NRG3: variants seen among roughly 807,000 people sequenced by gnomAD.
NRG3 encodes the protein pro-neuregulin-3, membrane-bound isoform.
A neutral mutation model predicts 66.9 loss-of-function variants in NRG3; 31 were observed. The observed-to-expected ratio is 0.46, with a 90% CI of 0.35 to 0.63. The LOEUF is 0.63. NRG3 is among the 20% of genes least tolerant of loss of function. The probability of loss-of-function intolerance (pLI) is 0.00; values close to 1 mark genes in which losing one functional copy is unlikely to be tolerated. For synonymous variants in NRG3, 393 were observed against 359.4 expected (o/e 1.09, Z -1.06); for missense variants, 910 against 878.9 (o/e 1.04, Z -0.45).
At chr10:82,681,158 G>T (rs367777906) in intron 2 of NRG3, among the ~76,000 whole-genome samples, 36 of 152,328 alleles carry the variant, frequency 2.4e-4, no homozygotes, top group African/African-American at 8.7e-4. Flanking sequence ...ACTGCCTTTT[G>T]GGTAAGCTTT....
intron 1 of NRG3, among the ~76,000 whole-genome samples, chr10:82,152,884 C>A (rs1445835847): frequency 8.4e-6 from 1 of 118,400 alleles, no homozygotes; most frequent in South Asian, 2.7e-4. Context: ...CTTTCTTTTT[C>A]TTCCTTTTCT....
chr10:82,276,311 A>C (rs1381547603), intron 1 of NRG3, among the ~76,000 whole-genome samples: 2 of 152,022 alleles, frequency 1.3e-5, no homozygotes, highest in African/African-American at 4.8e-5. Context: ...GTTTAAATGA[A>C]ATCTCATTCT....
intron 3 of NRG3, among the ~76,000 whole-genome samples, chr10:82,775,580 CTGT>C (rs2059882498): frequency 6.6e-6 from 1 of 151,948 alleles, no homozygotes; most frequent in African/African-American, 2.4e-5. Flanking sequence ...GTATATTCTG[CTGT>C]TGTTGTATGG....
At chr10:82,975,196 A>G (rs1333916550) in intron 7 of NRG3, among the ~76,000 whole-genome samples, 1 of 152,230 alleles carries the variant, frequency 6.6e-6, no homozygotes, top group Non-Finnish European at 1.5e-5. Flanking sequence ...TTAGGGAAAT[A>G]AGTCCAATAT....
intron 3 of NRG3, among the ~76,000 whole-genome samples, chr10:82,781,013 G>C (rs1264699340): frequency 6.6e-6 from 1 of 152,172 alleles, no homozygotes; most frequent in Non-Finnish European, 1.5e-5. Flanking sequence ...GGTCCTGCCT[G>C]AGCTGCTTTT....
chr10:82,728,418 A>G (rs895880007), intron 2 of NRG3, among the ~76,000 whole-genome samples: 4 of 152,144 alleles, frequency 2.6e-5, no homozygotes, highest in African/African-American at 9.7e-5. Flanking sequence ...GTCTCACAAG[A>G]TCCGATGGTT....
chr10:82,771,823 C>T (rs760195657), intron 3 of NRG3, among the ~76,000 whole-genome samples: 1 of 151,744 alleles, frequency 6.6e-6, no homozygotes, highest in Non-Finnish European at 1.5e-5. Context: ...TTTTTTTCCT[C>T]CCAATTCTGT....
At chr10:82,643,775 G>A (rs1160875893) in intron 2 of NRG3, among the ~76,000 whole-genome samples, 2 of 151,912 alleles carry the variant, frequency 1.3e-5, no homozygotes, top group South Asian at 2.1e-4. Context: ...TCTCTGGCAT[G>A]TCCCTGGGCT....
chr10:82,955,572 A>T (rs1849964264), intron 5 of NRG3, among the ~76,000 whole-genome samples: 1 of 151,956 alleles, frequency 6.6e-6, no homozygotes, highest in South Asian at 2.1e-4. Context: ...GTAGGAGAGG[A>T]TATGTTTCAG....
chr10:82,554,241 G>C lies in NRG3; in HGVS notation c.954-184336G>C, dbSNP rs188599478. 4.8e-4 allele frequency among the ~76,000 whole-genome samples: 73 copies of C among 152,196 alleles called. 1 individual carries two copies. The East Asian group carries it at 7.0e-3, about 15-fold the overall frequency. ...CACAGTAGGGTGACTATCACGGACA[G>C]TATTGTATTTTATATTTCAAAATAC... On this transcript the variant is annotated intron_variant, in intron 2 of 8. Transcript: ENST00000372141.
At chr10:82,099,045 G>A (rs962739115) in intron 1 of NRG3, among the ~76,000 whole-genome samples, 16 of 152,154 alleles carry the variant, frequency 1.1e-4, no homozygotes, top group Non-Finnish European at 1.3e-4. Context: ...GATTACAGGC[G>A]TGAGCCACCA....
intron 2 of NRG3, among the ~76,000 whole-genome samples, chr10:82,511,986 A>G (rs1275831453): frequency 6.6e-6 from 1 of 152,046 alleles, no homozygotes; most frequent in Non-Finnish European, 1.5e-5. Flanking sequence ...TTATTGTTTC[A>G]TTTTTAAGAC....
At chr10:82,321,769 G>T (rs1385571038) in intron 1 of NRG3, among the ~76,000 whole-genome samples, 3 of 152,196 alleles carry the variant, frequency 2.0e-5, no homozygotes, top group Non-Finnish European at 4.4e-5. Flanking sequence ...AACCAAAGTG[G>T]CTTTAAAAGG....
chr10:82,603,127 A>C (rs990343123), intron 2 of NRG3, among the ~76,000 whole-genome samples: 1 of 152,164 alleles, frequency 6.6e-6, no homozygotes, highest in Non-Finnish European at 1.5e-5. Context: ...TCCCTGATTC[A>C]GTAAATTCTG....
intron 1 of NRG3, among the ~76,000 whole-genome samples, chr10:82,155,132 C>T (rs974883477): frequency 6.6e-6 from 1 of 151,692 alleles, no homozygotes; most frequent in Non-Finnish European, 1.5e-5. Flanking sequence ...TGATACAAAA[C>T]GATTTTATAA....
intron 1 of NRG3, among the ~76,000 whole-genome samples, chr10:82,208,294 A>G (rs1352014863): frequency 6.6e-6 from 1 of 152,178 alleles, no homozygotes; most frequent in African/African-American, 2.4e-5. Context: ...GGGAATAATA[A>G]ATAAAGAGTT....
chr10:82,649,404 T>A (rs2133875720), intron 2 of NRG3, among the ~76,000 whole-genome samples: 1 of 151,934 alleles, frequency 6.6e-6, no homozygotes, highest in South Asian at 2.1e-4. Flanking sequence ...ATCACAAGCT[T>A]TTGACTGGAA....
At chr10:82,822,363 A>G (rs1443585982) in intron 3 of NRG3, among the ~76,000 whole-genome samples, 1 of 151,988 alleles carries the variant, frequency 6.6e-6, no homozygotes, top group Non-Finnish European at 1.5e-5. Flanking sequence ...GGAGAAGGGA[A>G]AGCCTCCTGA....
intron 1 of NRG3, among the ~76,000 whole-genome samples, chr10:82,036,903 G>A (rs1445811222): frequency 6.6e-6 from 1 of 152,102 alleles, no homozygotes; most frequent in Non-Finnish European, 1.5e-5. Flanking sequence ...AGGTCTTGGG[G>A]TAGCAATTGC....
Sources: allele counts gnomAD v4.1 joint callset (sites outside exome capture counted in the v4.1 genomes callset), GRCh38; gene constraint gnomAD v4.1.1; transcripts MANE v1.5; gene names NCBI Gene and HGNC (gene_info 2026-07-23, HGNC 2026-07-21).